The following NDC80 variants were observed in gnomAD, a reference collection of about 807,000 sequenced individuals.
The protein encoded by NDC80 is NDC80 kinetochore complex component.
NDC80 carries 69 observed loss-of-function variants against 89.3 expected under a neutral mutation model. The observed-to-expected ratio is 0.77, with a 90% confidence interval of 0.64 to 0.94. The LOEUF is 0.94. Among genes scored for constraint, NDC80 ranks in the 40% least tolerant of loss-of-function variants. The pLI is 0.00. For missense variants in NDC80, 593 were observed against 739.6 expected (o/e 0.80, Z 2.30); for synonymous variants, 243 against 255.6 (o/e 0.95, Z 0.47).
At chr18:2,582,073 TG>T in intron 6 of NDC80, 1 of 153,168 alleles carries the variant, frequency 6.5e-6, no homozygotes, top group South Asian at 2.1e-4. Flanking sequence ...TTTGTTTGTT[TG>T]TTTGTTTGTT....
intron 13 of NDC80, among the ~76,000 whole-genome samples, chr18:2,605,270 A>ATGTGTGTGTG (rs1350615848): frequency 5.1e-5 from 5 of 98,056 alleles, no homozygotes; most frequent in African/African-American, 1.9e-4. Context: ...GGCGGGCTAT[A>ATGTGTGTGTG]TGTATGTGTG....
Position 2,603,373 on chromosome 18 carries a change from A to G in NDC80, c.1464+1888A>G, listed in dbSNP as rs1285354047. On this transcript the variant is annotated intron_variant, in intron 13 of 16. Coordinates refer to ENST00000261597, the MANE Select transcript of NDC80 (RefSeq NM_006101.3). ...TGTTTATACATATATATATATATATATATATACACCTATGTAATATATATA... is the reference window on the plus strand; with the variant it reads ...TGTTTATACATATATATATATATATGTATATACACCTATGTAATATATATA... 7.3e-4 allele frequency among the ~76,000 whole-genome samples: 107 copies of G among 146,674 alleles called. 2 individuals carry two copies. The highest frequency in any genetic ancestry group is 2.5e-3 in the African/African-American group (99 of 39,496).
In NDC80 at chr18:2,614,610, A is replaced by AAAGAAAGAAAGAAAGAAAGAAAG. The variant is rs2072772005; in HGVS notation, c.1792-1824_1792-1802dup. 4.8e-5 allele frequency among the ~76,000 whole-genome samples: 2 copies of AAAGAAAGAAAGAAAGAAAGAAAG among 41,372 alleles called. 1 individual carries two copies. Among genetic ancestry groups the AAAGAAAGAAAGAAAGAAAGAAAG allele is most frequent in the East Asian group, 2.2e-3 (2 of 924 alleles). The allele number at this position is 41,372 out of a possible 152,430, so 27.1% of individuals were successfully genotyped here. On this transcript the variant is annotated intron_variant, in intron 16 of 16. Coordinates refer to ENST00000261597, the MANE Select transcript of NDC80 (RefSeq NM_006101.3). ...GAAAGAAAGAAAGAAAGAAAGAAAG[A>AAAGAAAGAAAGAAAGAAAGAAAG]AAGAAAGAAAGAAAGAAAGAAAGAA...
rs1439442479 is a variant in NDC80, at chr18:2,587,878, G to T, written c.718G>T (p.Ala240Ser). Residue 240 changes from alanine to serine, a missense_variant, in exon 8 of 17, where the codon GCC (alanine) becomes TCC (serine). Transcript: ENST00000261597. ...ATGCTATGAGAGTTTTATGAGTGGT[G>T]CCGACAGCTTTGATGAGATGAATGC... ...IKCYESFMSG[A>S]DSFDEMNAEL... The T allele has an allele frequency of 1.9e-6, 3 of 1,613,694 alleles. No individual in the cohort carries two copies. The Admixed American group carries it at 5.0e-5, about 27-fold the overall frequency.
At chr18:2,579,615 C>T (rs188671845) in intron 6 of NDC80, among the ~76,000 whole-genome samples, 17 of 151,828 alleles carry the variant, frequency 1.1e-4, no homozygotes, top group Non-Finnish European at 2.2e-4. Flanking sequence ...TTAGTAGAGA[C>T]GGGGTTCCAC....
intron 2 of NDC80, among the ~76,000 whole-genome samples, chr18:2,573,964 G>T (rs964358007): frequency 9.2e-5 from 14 of 152,056 alleles, no homozygotes; most frequent in African/African-American, 2.9e-4. Context: ...TGTAAATGTG[G>T]TTAAGATAAT....
At position 2,587,869 on chromosome 18, in the gene NDC80, A is replaced by C; in HGVS notation, c.709A>C (p.Met237Leu). The change falls in exon 8 of 17, where the codon ATG becomes CTG. Residue 237 changes from methionine (M) to leucine (L), a missense_variant. By Grantham distance (15) the Met-to-Leu change is conservative. Transcript: ENST00000261597. Reference protein sequence around the residue: ...DYTIKCYESFMSGADSFDEMN... With the variant: ...DYTIKCYESFLSGADSFDEMN... ...CACCATAAAATGCTATGAGAGTTTT[A>C]TGAGTGGTGCCGACAGCTTTGATGA... 6.2e-7 allele frequency: 1 copy of C among 1,613,812 alleles called. No individual in the cohort carries two copies. Among genetic ancestry groups the C allele is most frequent in the Non-Finnish European group, 8.5e-7 (1 of 1,179,750 alleles).
rs115421232 is a variant in NDC80, at chr18:2,604,214, A to G, written c.1465-2201A>G. Among the ~76,000 whole-genome samples, 177 of 152,244 alleles carry G rather than the reference A, an allele frequency of 1.2e-3. 1 individual carries two copies. Among genetic ancestry groups the G allele is most frequent in the African/African-American group, 4.0e-3 (167 of 41,584 alleles). Reference sequence around the variant, plus strand: ...TATCATAGCTTTTTGTAATGTGAATACAGCGCACTGTGGATTCTCATAATA... The same window carrying G: ...TATCATAGCTTTTTGTAATGTGAATGCAGCGCACTGTGGATTCTCATAATA... On this transcript the variant is annotated intron_variant, in intron 13 of 16. Coordinates refer to ENST00000261597, the MANE Select transcript of NDC80 (RefSeq NM_006101.3).
At chr18:2,590,631 C>T (rs1412843828) in intron 10 of NDC80, among the ~76,000 whole-genome samples, 1 of 152,222 alleles carries the variant, frequency 6.6e-6, no homozygotes, top group Non-Finnish European at 1.5e-5. Context: ...GATAATAATA[C>T]AGGGCTCTCT....
intron 12 of NDC80, among the ~76,000 whole-genome samples, chr18:2,599,940 A>G (rs12958562): frequency 0.26 from 39,652 of 152,126 alleles, 5,474 homozygotes; most frequent in Middle Eastern, 0.37. Flanking sequence ...AAATATCAAG[A>G]AACATACATC....
intron 10 of NDC80, chr18:2,594,914 A>C (rs2072646806): frequency 1.3e-5 from 2 of 152,126 alleles, no homozygotes; most frequent in African/African-American, 4.8e-5. Flanking sequence ...CAAATGTCAT[A>C]TTCTCTTAAA....
chr18:2,590,387 G>A (rs999928664), intron 10 of NDC80, among the ~76,000 whole-genome samples: 5 of 152,208 alleles, frequency 3.3e-5, no homozygotes, highest in Admixed American at 1.3e-4. Context: ...CACAGTTCTA[G>A]AGGCTGTTCC....
chr18:2,585,276 A>T, intron 7 of NDC80, 74 bp downstream of exon 7: 1 of 1,136,590 alleles, frequency 8.8e-7, no homozygotes, highest in Non-Finnish European at 1.3e-6. Context: ...TTTAATACAG[A>T]TGCCCCTCGA....
rs758159120 is a variant in NDC80, at chr18:2,578,074, T to G, written c.409T>G (p.Cys137Gly). 1 of 1,614,122 alleles carries G rather than the reference T, an allele frequency of 6.2e-7. No individual in the cohort carries two copies. Among genetic ancestry groups the G allele is most frequent in the Admixed American group, 1.7e-5 (1 of 60,014 alleles). ...KIFTFLYGFL[C>G]PSYELPDTKF... ...CTTCACATTTCTTTATGGCTTCCTG[T>G]GCCCCTCATACGAACTTCCTGACAC... Residue 137 changes from cysteine (C) to glycine (G), a missense_variant, in exon 5 of 17, where the codon TGC (cysteine) becomes GGC (glycine). By Grantham distance (159) the Cys-to-Gly change is radical. Coordinates refer to ENST00000261597, the MANE Select transcript of NDC80 (RefSeq NM_006101.3).
chr18:2,588,002 C>A, intron 8 of NDC80, 79 bp downstream of exon 8: 2 of 1,113,908 alleles, frequency 1.8e-6, no homozygotes, highest in Non-Finnish European at 1.3e-6. Flanking sequence ...TTACCATATC[C>A]AGTGTTCATA....
At chr18:2,607,957 T>C (rs2072721484) in intron 14 of NDC80, among the ~76,000 whole-genome samples, 1 of 91,462 alleles carries the variant, frequency 1.1e-5, no homozygotes, top group Admixed American at 1.3e-4. Flanking sequence ...ATTTTACATA[T>C]ATACATAGTA....
chr18:2,598,147 G>T (rs574345392), intron 11 of NDC80, among the ~76,000 whole-genome samples: 2 of 152,144 alleles, frequency 1.3e-5, no homozygotes, highest in Non-Finnish European at 2.9e-5. Context: ...TTGCAAATTG[G>T]TTAAGCAAGT....
chr18:2,576,108 A>G (rs912746284), intron 3 of NDC80, among the ~76,000 whole-genome samples: 7 of 152,194 alleles, frequency 4.6e-5, no homozygotes, highest in Non-Finnish European at 8.8e-5. Context: ...CAAAAAAATA[A>G]ATGTAAAATG....
chr18:2,611,205 C>T (rs187425248), intron 16 of NDC80, among the ~76,000 whole-genome samples: 109 of 152,064 alleles, frequency 7.2e-4, no homozygotes, highest in African/African-American at 2.5e-3. Flanking sequence ...CCTGCCACCA[C>T]GCCCAGCTAA....
Sources: gnomAD v4.1 joint callset for allele counts (sites outside exome capture counted in the v4.1 genomes callset) on GRCh38, gnomAD v4.1.1 for gene constraint, MANE v1.5 for transcripts, NCBI Gene and HGNC (gene_info 2026-07-23, HGNC 2026-07-21) for gene names.